PCOLCE2: variants seen among roughly 807,000 people sequenced by gnomAD.
The protein encoded by PCOLCE2 is procollagen C-endopeptidase enhancer 2.
Under a neutral mutation model 47.0 loss-of-function variants are expected in PCOLCE2, and 42 were observed. The ratio of observed to expected loss-of-function variants is 0.89; its 90% CI spans 0.70 to 1.16. The LOEUF (loss-of-function observed/expected upper bound fraction) is 1.16. Ranked by LOEUF, PCOLCE2 falls within the 50% of genes most tolerant of loss-of-function variation. The pLI is 0.00. For synonymous variants in PCOLCE2, 169 were observed against 191.7 expected (o/e 0.88, Z 0.98); for missense variants, 500 against 526.1 (o/e 0.95, Z 0.49).
chr3:142,818,814 C>T (rs1936979956), intron 8 of PCOLCE2, among the ~76,000 whole-genome samples: 1 of 152,228 alleles, frequency 6.6e-6, no homozygotes, highest in Admixed American at 6.5e-5. Flanking sequence ...TTCAGCTACG[C>T]TAACACCAGG....
chr3:142,884,593 A>G (rs959562865), intron 2 of PCOLCE2, among the ~76,000 whole-genome samples: 1 of 152,222 alleles, frequency 6.6e-6, no homozygotes, highest in Non-Finnish European at 1.5e-5. Context: ...TACATTTTTG[A>G]GAACACATAC....
At position 142,852,276 on chromosome 3, in the gene PCOLCE2, C is replaced by T. The variant is rs150834454; in HGVS notation, c.193-3804G>A. 5.9e-4 allele frequency among the ~76,000 whole-genome samples: 90 copies of T among 152,258 alleles called. 1 individual carries two copies. Among genetic ancestry groups the T allele is most frequent in the African/African-American group, 2.1e-3 (86 of 41,556 alleles). On this transcript the variant is annotated intron_variant, in intron 2 of 8. Transcript: ENST00000295992. The stretch of plus-strand genomic sequence containing the variant: ...CAAGATTGTCTGATGCCCTCTGATG[C>T]AAGCTTTGATAAGAGCTCCTGATTG...
In PCOLCE2 at chr3:142,842,830, GC is replaced by G; in HGVS notation, c.573+93del. The G allele has an allele frequency of 8.3e-7, 1 of 1,206,160 alleles. No individual in the cohort carries two copies. The highest frequency in any genetic ancestry group is 1.2e-6 in the Non-Finnish European group (1 of 832,100). 74.7% of individuals were successfully genotyped at this position (1,206,160 alleles called of 1,614,324 possible). On this transcript the variant is annotated intron_variant, in intron 4 of 8. Transcript: ENST00000295992. This position sits in a 1 kb window ranked among gnomAD's most constrained non-coding sequence, Gnocchi z 4.1. ...TCTTGTATCCCTTAGCTCTCGAATA[GC>G]CCCCACAACAGGAGGCTCTTGAGAG...
At chr3:142,852,677 TTATA>T (rs1449811172) in intron 2 of PCOLCE2, among the ~76,000 whole-genome samples, 1 of 146,790 alleles carries the variant, frequency 6.8e-6, no homozygotes, top group Non-Finnish European at 1.5e-5. Flanking sequence ...GTGTGTGTAT[TTATA>T]TATATTTATG....
intron 2 of PCOLCE2, among the ~76,000 whole-genome samples, chr3:142,882,148 GC>G (rs1933634074): frequency 6.6e-6 from 1 of 151,604 alleles, no homozygotes; most frequent in Non-Finnish European, 1.5e-5. Context: ...TCTCATCTCA[GC>G]CACCCAAGTA....
chr3:142,875,225 G>C (rs920657320), intron 2 of PCOLCE2, among the ~76,000 whole-genome samples: 6 of 152,116 alleles, frequency 3.9e-5, no homozygotes, highest in Non-Finnish European at 2.9e-5. Flanking sequence ...TAAACAAGGC[G>C]TAAGTTGTAA....
At position 142,888,977 on chromosome 3, in the gene PCOLCE2, C is replaced by A; in HGVS notation, c.-81G>T. The A allele has an allele frequency of 2.5e-6, 1 of 398,210 alleles. No homozygotes were observed. The highest frequency in any genetic ancestry group is 2.4e-5 in the African/African-American group (1 of 42,422). The allele number at this position is 398,210 out of a possible 1,614,324, so 24.7% of individuals were successfully genotyped here. On this transcript the variant is annotated 5_prime_UTR_variant, in exon 1 of 9. Coordinates refer to ENST00000295992, the MANE Select transcript of PCOLCE2 (RefSeq NM_013363.4). ...CCCTCCGCACCCACCGCGCTCACAC[C>A]GCCGCTCACACTGGCAGCAGCGCTG...
intron 2 of PCOLCE2, among the ~76,000 whole-genome samples, chr3:142,878,441 T>C (rs1933543278): frequency 6.6e-6 from 1 of 152,228 alleles, no homozygotes; most frequent in African/African-American, 2.4e-5. Context: ...TTGATAAAGC[T>C]GTTAACTCAT....
At chr3:142,879,719 C>T (rs1026186146) in intron 2 of PCOLCE2, among the ~76,000 whole-genome samples, 3 of 152,282 alleles carry the variant, frequency 2.0e-5, no homozygotes, top group East Asian at 1.9e-4. Context: ...CCTATAATCC[C>T]GGCACTTTGG....
In PCOLCE2 at chr3:142,838,758, G is replaced by A; in HGVS notation, c.710+12C>T. ...CATAAAACTATTAAAGACATAAATA[G>A]GTGCTACTTACGCAGGTGGACTATC... On this transcript the variant is annotated intron_variant, in intron 5 of 8. Coordinates refer to ENST00000295992, the MANE Select transcript of PCOLCE2 (RefSeq NM_013363.4). The A allele has an allele frequency of 6.2e-7, 1 of 1,610,684 alleles. No individual in the cohort carries two copies. The highest frequency in any genetic ancestry group is 1.3e-5 in the African/African-American group (1 of 74,936).
chr3:142,879,878 A>G (rs1022830704), intron 2 of PCOLCE2, among the ~76,000 whole-genome samples: 5 of 151,466 alleles, frequency 3.3e-5, no homozygotes, highest in Admixed American at 6.6e-5. Flanking sequence ...GGCTGAGGCA[A>G]GAGAATAGTG....
At chr3:142,877,449 T>C (rs1933522617) in intron 2 of PCOLCE2, among the ~76,000 whole-genome samples, 1 of 152,192 alleles carries the variant, frequency 6.6e-6, no homozygotes, top group Admixed American at 6.5e-5. Flanking sequence ...CACACTTCTA[T>C]TCCTTATTAC....
chr3:142,848,351 C>T lies in PCOLCE2; in HGVS notation c.314G>A (p.Arg105His), dbSNP rs147227072. Reference protein sequence around the residue: ...NGHANGQRIGRFCGTFRPGAL... With the variant: ...NGHANGQRIGHFCGTFRPGAL... ...TCCAGGCCGGAAAGTGCCACAGAAG[C>T]GGCCAATGCGCTGGCCATTGGCATG... Residue 105 changes from arginine to histidine, a missense_variant, in exon 3 of 9, where the codon CGC (arginine) becomes CAC (histidine). Physicochemically the swap from Arg to His is conservative, Grantham distance 29. Coordinates refer to ENST00000295992, the MANE Select transcript of PCOLCE2 (RefSeq NM_013363.4). 249 of 1,614,102 alleles carry T rather than the reference C, an allele frequency of 1.5e-4. 2 individuals carry two copies. Among genetic ancestry groups the T allele is most frequent in the South Asian group, 1.6e-4 (15 of 91,090 alleles).
intron 2 of PCOLCE2, among the ~76,000 whole-genome samples, chr3:142,865,520 G>C (rs1933268498): frequency 1.3e-5 from 2 of 152,112 alleles, no homozygotes; most frequent in South Asian, 4.1e-4. Flanking sequence ...TAAGTGAGTT[G>C]ACAACAACAT....
chr3:142,886,441 T>G (rs1367049487), intron 2 of PCOLCE2, among the ~76,000 whole-genome samples: 1 of 151,846 alleles, frequency 6.6e-6, no homozygotes, highest in African/African-American at 2.4e-5. Flanking sequence ...ATTTGACATT[T>G]ATGTTAATAG....
At chr3:142,867,143 C>T (rs988639709) in intron 2 of PCOLCE2, among the ~76,000 whole-genome samples, 1 of 152,192 alleles carries the variant, frequency 6.6e-6, no homozygotes, top group Non-Finnish European at 1.5e-5. Context: ...CCTCGAGCCT[C>T]CCAGTATAAC....
rs544516716 is a variant in PCOLCE2 at position 142,881,899 on chromosome 3, G to T, written c.192+5770C>A. ...CAACTTACGCTTTTTTCTTCATGGA[G>T]TAGCTAAATAAGAAAAATTTTGCCA... On this transcript the variant is annotated intron_variant, in intron 2 of 8. Coordinates refer to ENST00000295992, the MANE Select transcript of PCOLCE2 (RefSeq NM_013363.4). 2.0e-5 allele frequency among the ~76,000 whole-genome samples: 3 copies of T among 152,256 alleles called. No homozygotes were observed. The East Asian group carries it at 5.8e-4, about 29-fold the overall frequency.
intron 2 of PCOLCE2, among the ~76,000 whole-genome samples, chr3:142,854,083 G>A (rs551483950): frequency 1.2e-4 from 19 of 152,218 alleles, no homozygotes; most frequent in Non-Finnish European, 2.4e-4. Flanking sequence ...GCAAACAGGA[G>A]GCCAGCTTCT....
chr3:142,856,892 CTTT>C (rs34805543), intron 2 of PCOLCE2, among the ~76,000 whole-genome samples: 3 of 131,566 alleles, frequency 2.3e-5, no homozygotes, highest in African/African-American at 2.7e-5. Context: ...TAAACAGGAG[CTTT>C]TTTTTTTTTT....
Sources: gnomAD v4.1 joint callset for allele counts (sites outside exome capture counted in the v4.1 genomes callset) on GRCh38, gnomAD v4.1.1 for gene constraint, Gnocchi (gnomAD v3.1) non-coding constraint, MANE v1.5 for transcripts, NCBI Gene and HGNC (gene_info 2026-07-23, HGNC 2026-07-21) for gene names.